Variants in SLC4A5 observed in about 807,000 individuals in gnomAD.
SLC4A5 encodes the protein solute carrier family 4 member 5.
Under a neutral mutation model 120.4 loss-of-function variants are expected in SLC4A5, and 96 were observed. That is an observed-to-expected ratio of 0.80 (90% CI 0.68 to 0.94). The LOEUF is 0.94. Ranked by LOEUF, SLC4A5 falls within the 40% of genes least tolerant of loss-of-function variation. The pLI is 0.00. For synonymous variants in SLC4A5, 550 were observed against 571.1 expected, an observed-to-expected ratio of 0.96 and a Z score of 0.53; for missense variants, 1,259 against 1,459.5, an observed-to-expected ratio of 0.86 and a Z score of 2.24.
intron 7 of SLC4A5, among the ~76,000 whole-genome samples, chr2:74,288,429 G>A (rs1672054090): frequency 6.6e-6 from 1 of 152,166 alleles, no homozygotes; most frequent in Admixed American, 6.5e-5. Context: ...ACAGCACTGA[G>A]AAGCTATGGT....
intron 8 of SLC4A5, among the ~76,000 whole-genome samples, chr2:74,284,582 A>C (rs1671921435): frequency 1.3e-5 from 2 of 152,192 alleles, no homozygotes; most frequent in African/African-American, 4.8e-5. Flanking sequence ...CATGTAAAGA[A>C]GGTGGAGAAA....
chr2:74,314,200 T>C (rs945704423), intron 6 of SLC4A5, among the ~76,000 whole-genome samples: 1 of 152,208 alleles, frequency 6.6e-6, no homozygotes, highest in Non-Finnish European at 1.5e-5. Context: ...AAGAGCATGG[T>C]GATTTAGCTG....
At chr2:74,294,589 T>C (rs1396644493) in intron 7 of SLC4A5, among the ~76,000 whole-genome samples, 2 of 152,112 alleles carry the variant, frequency 1.3e-5, no homozygotes, top group African/African-American at 2.4e-5. Context: ...CAGTAGGAAG[T>C]TGAATCTTGA....
In SLC4A5 at chr2:74,343,352, T is replaced by C. The variant is rs1558922904; in HGVS notation, c.-347+4A>G. On this transcript the variant is annotated splice_donor_region_variant and intron_variant, in intron 1 of 30. Transcript: ENST00000394019. ...TTTATTTATGTAAAATCCACTCTAC[T>C]TACCCCAGTGCAGTGGCCTGTGGCT... The C allele has an allele frequency of 6.6e-6, 1 of 152,196 alleles. No homozygotes were observed. Among genetic ancestry groups the C allele is most frequent in the Admixed American group, 6.5e-5 (1 of 15,274 alleles). The allele number at this position is 152,196 out of a possible 1,614,324, so 9.4% of individuals were successfully genotyped here. A position where few individuals can be genotyped will look rare whatever the true frequency, so the allele number is the denominator to read the frequency against.
At chr2:74,219,176 G>GGTGTGTGTGTGTGTGT (rs58141033) in intron 30 of SLC4A5, among the ~76,000 whole-genome samples, 9 of 134,336 alleles carry the variant, frequency 6.7e-5, no homozygotes, top group East Asian at 6.7e-4. Flanking sequence ...GCTCTTTGGA[G>GGTGTGTGTGTGTGTGT]GTGTGTGTGT....
intron 8 of SLC4A5, among the ~76,000 whole-genome samples, chr2:74,280,533 G>T (rs1460635814): frequency 1.3e-5 from 2 of 152,176 alleles, no homozygotes; most frequent in Non-Finnish European, 2.9e-5. Flanking sequence ...TTTCTGCACT[G>T]GGAGCTCAGC....
At chr2:74,326,148 A>T (rs1337170464) in intron 5 of SLC4A5, among the ~76,000 whole-genome samples, 1 of 152,158 alleles carries the variant, frequency 6.6e-6, no homozygotes, top group East Asian at 1.9e-4. Flanking sequence ...TAAAAAAATA[A>T]AAAAATTTTA....
At position 74,329,587 on chromosome 2, in the gene SLC4A5, TCAAACAAA is replaced by T. The variant is rs139635951; in HGVS notation, c.-69-1409_-69-1402del. On this transcript the variant is annotated intron_variant, in intron 4 of 30. Coordinates refer to ENST00000394019, the Ensembl canonical transcript of SLC4A5. ...CTGGGCAACACGGCGAGGCTCCATC[TCAAACAAA>T]CAAACAAACAAACAAACAAACATGG... Among the ~76,000 whole-genome samples, 144 of 150,988 alleles carry T rather than the reference TCAAACAAA, an allele frequency of 9.5e-4. 1 individual carries two copies. The highest frequency in any genetic ancestry group is 2.9e-3 in the South Asian group (14 of 4,752).
rs746447254 is a variant in SLC4A5, at chr2:74,312,269, GTGTA to G, written c.79+2672_79+2675del. On this transcript the variant is annotated intron_variant, in intron 6 of 30. Transcript: ENST00000394019. Reference sequence around the variant, plus strand: ...TGTGTGTGTGTGTGTGTGTGTGTGTGTGTATATGCATTTTTTTTGAGACAGAGTC... The same window carrying G: ...TGTGTGTGTGTGTGTGTGTGTGTGTGTATGCATTTTTTTTGAGACAGAGTC... Among the ~76,000 whole-genome samples, 739 of 151,562 alleles carry G rather than the reference GTGTA, an allele frequency of 4.9e-3. 1 individual carries two copies. Among genetic ancestry groups the G allele is most frequent in the Non-Finnish European group, 7.8e-3 (527 of 67,920 alleles).
exon 31 of SLC4A5, chr2:74,218,607 C>A (rs558420842): frequency 9.8e-5 from 15 of 152,746 alleles, no homozygotes; most frequent in African/African-American, 3.4e-4. Flanking sequence ...CATCTCCCAT[C>A]TGGGAGAAGC....
At chr2:74,231,796 CA>C (rs1395987544) in intron 24 of SLC4A5, among the ~76,000 whole-genome samples, 1 of 152,136 alleles carries the variant, frequency 6.6e-6, no homozygotes, top group Non-Finnish European at 1.5e-5. Context: ...GAGCAGGTGT[CA>C]GGGGTGGGAG....
intron 7 of SLC4A5, among the ~76,000 whole-genome samples, chr2:74,302,921 A>G (rs990948093): frequency 6.6e-6 from 1 of 152,084 alleles, no homozygotes; most frequent in Non-Finnish European, 1.5e-5. Flanking sequence ...CCATGTCAGT[A>G]TGTGTGAGGC....
exon 23 of SLC4A5, chr2:74,233,557 G>A (rs1245820736): frequency 6.8e-6 from 11 of 1,611,796 alleles, no homozygotes; most frequent in East Asian, 4.5e-5. Flanking sequence ...CGGTCAGGCC[G>A]CGTTGGCTGA....
intron 27 of SLC4A5, among the ~76,000 whole-genome samples, chr2:74,225,945 T>C (rs1238463706): frequency 6.6e-6 from 1 of 152,180 alleles, no homozygotes; most frequent in Non-Finnish European, 1.5e-5. Flanking sequence ...TGGGGGCTGG[T>C]GTGGACTCAG....
intron 18 of SLC4A5, among the ~76,000 whole-genome samples, chr2:74,248,125 C>T (rs1670674747): frequency 1.3e-5 from 2 of 152,232 alleles, no homozygotes; most frequent in South Asian, 2.1e-4. Context: ...ATTTTCTCCT[C>T]TTGTCGTGGC....
At chr2:74,264,510 G>A (rs1315110092) in intron 9 of SLC4A5, among the ~76,000 whole-genome samples, 1 of 152,026 alleles carries the variant, frequency 6.6e-6, no homozygotes, top group African/African-American at 2.4e-5. Flanking sequence ...GTGTGTGTGT[G>A]TGTGTGTGTG....
At chr2:74,332,887 T>A (rs544222460) in intron 4 of SLC4A5, among the ~76,000 whole-genome samples, 1 of 152,172 alleles carries the variant, frequency 6.6e-6, no homozygotes, top group African/African-American at 2.4e-5. Context: ...ACCCCTTTTC[T>A]CTCTGCTCCC....
chr2:74,315,061 A>AGTGC, intron 5 of SLC4A5, 36 bp from the exon 6 acceptor site: 2 of 1,531,178 alleles, frequency 1.3e-6, no homozygotes, highest in East Asian at 4.5e-5. Context: ...CAAAATGTAT[A>AGTGC]CATTAAAAAG....
chr2:74,247,518 CT>C (rs754476071), intron 18 of SLC4A5, among the ~76,000 whole-genome samples: 384 of 144,904 alleles, frequency 2.7e-3, no homozygotes, highest in Admixed American at 4.9e-3. Flanking sequence ...TTTATAAGAA[CT>C]TTTTTTTTTT....
Sources: allele counts gnomAD v4.1 joint callset (sites outside exome capture counted in the v4.1 genomes callset), GRCh38; gene constraint gnomAD v4.1.1; transcripts MANE v1.5; gene names NCBI Gene and HGNC (gene_info 2026-07-23, HGNC 2026-07-21).